Variants in SIK3 observed in about 807,000 individuals in gnomAD.
SIK3 encodes the protein serine/threonine-protein kinase SIK3.
A neutral mutation model predicts 144.2 loss-of-function variants in SIK3; 28 were observed. That is an observed-to-expected ratio of 0.19 (90% CI 0.14 to 0.27). The LOEUF is 0.27. SIK3 is among the 10% of genes least tolerant of loss of function. The probability of loss-of-function intolerance (pLI) is 1.00; values close to 1 mark genes in which losing one functional copy is unlikely to be tolerated. For missense variants in SIK3, 1,319 were observed against 1,776.0 expected (o/e 0.74, Z 4.62); for synonymous variants, 686 against 676.3 (o/e 1.01, Z -0.22).
Position 116,846,283 on chromosome 11 carries a change from T to C in SIK3, c.*13+100A>G, listed in dbSNP as rs372105585. On this transcript the variant is annotated intron_variant, in intron 24 of 24. Coordinates refer to ENST00000445177, the MANE Select transcript of SIK3 (RefSeq NM_001366686.3). The surrounding 1 kb of genome is among the most constrained non-coding windows in gnomAD (Gnocchi z 4.1). The stretch of plus-strand genomic sequence containing the variant: ...CGAGGGGAGGCGTGGTACTGTCGAC[T>C]GCACTGGCCACCACAACACATGGGC... The C allele has an allele frequency of 3.0e-4, 369 of 1,245,096 alleles. 1 individual carries two copies. In the African/African-American group the frequency reaches 4.8e-3, roughly 16 times the overall value. 77.1% of individuals were successfully genotyped at this position (1,245,096 alleles called of 1,614,324 possible).
At chr11:116,895,100 T>A (rs949308427) in intron 6 of SIK3, among the ~76,000 whole-genome samples, 1 of 152,186 alleles carries the variant, frequency 6.6e-6, no homozygotes, top group African/African-American at 2.4e-5. Context: ...GTCTTTACAT[T>A]AACTAGGCCC....
chr11:116,892,456 A>C (rs1945180374), intron 6 of SIK3, among the ~76,000 whole-genome samples: 1 of 152,268 alleles, frequency 6.6e-6, no homozygotes, highest in Admixed American at 6.5e-5. Flanking sequence ...GCAAATAAGC[A>C]TAAGAAAAGA....
At chr11:117,022,210 G>A (rs922552033) in intron 1 of SIK3, among the ~76,000 whole-genome samples, 1 of 151,946 alleles carries the variant, frequency 6.6e-6, no homozygotes, top group African/African-American at 2.4e-5. Flanking sequence ...CTGGAAAGAG[G>A]CACAAGGGAA....
intron 1 of SIK3, among the ~76,000 whole-genome samples, chr11:117,018,315 G>A (rs1483988654): frequency 6.6e-6 from 1 of 152,166 alleles, no homozygotes; most frequent in Non-Finnish European, 1.5e-5. Flanking sequence ...GCATTGGGAT[G>A]AAAACAAATC....
intron 1 of SIK3, among the ~76,000 whole-genome samples, chr11:116,998,970 G>A (rs1208970777): frequency 6.6e-6 from 1 of 152,152 alleles, no homozygotes; most frequent in Non-Finnish European, 1.5e-5. Flanking sequence ...CCCATTTTGA[G>A]TAAGTTAAGA....
intron 1 of SIK3, among the ~76,000 whole-genome samples, chr11:116,998,846 A>G (rs78298998): frequency 0.046 from 6,972 of 152,296 alleles, 537 homozygotes; most frequent in African/African-American, 0.16. Context: ...TGTTTACTAT[A>G]AGTATGAAAT....
chr11:116,878,384 T>A (rs1944371907), intron 6 of SIK3, among the ~76,000 whole-genome samples: 1 of 148,398 alleles, frequency 6.7e-6, no homozygotes, highest in Non-Finnish European at 1.5e-5. Flanking sequence ...TCTCTCCCTT[T>A]TTTTTTTTTT....
intron 1 of SIK3, among the ~76,000 whole-genome samples, chr11:116,990,256 G>A (rs1279301786): frequency 1.3e-5 from 2 of 152,158 alleles, no homozygotes; most frequent in African/African-American, 4.8e-5. Flanking sequence ...CAATTCAAAG[G>A]TGAGAACTTT....
At chr11:117,036,410 A>G (rs1301155915) in intron 1 of SIK3, among the ~76,000 whole-genome samples, 2 of 152,142 alleles carry the variant, frequency 1.3e-5, no homozygotes, top group Non-Finnish European at 2.9e-5. Context: ...TGCTTATAGA[A>G]GAGTCAGAAC....
intron 1 of SIK3, among the ~76,000 whole-genome samples, chr11:117,085,236 C>T (rs1591677292): frequency 6.6e-6 from 1 of 152,050 alleles, no homozygotes; most frequent in Admixed American, 6.6e-5. Context: ...CCCAGCTCAA[C>T]CTCCCAAGTA....
At chr11:117,067,638 T>C (rs1234952967) in intron 1 of SIK3, among the ~76,000 whole-genome samples, 2 of 152,156 alleles carry the variant, frequency 1.3e-5, no homozygotes, top group Non-Finnish European at 2.9e-5. Context: ...ATTGTAAACT[T>C]AAAATGGTTC....
intron 1 of SIK3, chr11:117,036,081 G>C: frequency 1.2e-6 from 1 of 846,216 alleles, no homozygotes; most frequent in Non-Finnish European, 1.8e-6. Flanking sequence ...ATCACCGCCG[G>C]AAAGGTTAAT....
chr11:116,915,122 A>ATATGTGTGTG (rs1265637330), intron 4 of SIK3, among the ~76,000 whole-genome samples: 2 of 100,026 alleles, frequency 2.0e-5, no homozygotes, highest in African/African-American at 9.8e-5. Context: ...AGGAAGCCAT[A>ATATGTGTGTG]TATGTGTGTG....
intron 1 of SIK3, among the ~76,000 whole-genome samples, chr11:117,019,440 C>G (rs1342505936): frequency 6.6e-6 from 1 of 152,106 alleles, no homozygotes; most frequent in Non-Finnish European, 1.5e-5. Context: ...AAATGTGAAG[C>G]CTCAAGAGTA....
intron 21 of SIK3, among the ~76,000 whole-genome samples, chr11:116,856,152 G>A (rs926906150): frequency 3.4e-5 from 5 of 146,112 alleles, no homozygotes; most frequent in African/African-American, 1.0e-4. Context: ...AGCTGAGATC[G>A]CACCACTGCA....
rs1441738931 is a variant in SIK3 at position 116,844,628 on chromosome 11, T to C, written c.*1015A>G. ...ATATATTATATATATAATATATATATAATATATTATATTATATATTATATA... is the reference window on the plus strand; with the variant it reads ...ATATATTATATATATAATATATATACAATATATTATATTATATATTATATA... On this transcript the variant is annotated 3_prime_UTR_variant, in exon 25 of 25. Coordinates refer to ENST00000445177, the MANE Select transcript of SIK3 (RefSeq NM_001366686.3). The C allele has an allele frequency of 6.2e-4, 35 of 56,678 alleles. No individual in the cohort carries two copies. The highest frequency in any genetic ancestry group is 2.4e-3 in the African/African-American group (35 of 14,476). 3.5% of individuals were successfully genotyped at this position (56,678 alleles called of 1,614,324 possible).
At chr11:117,049,058 G>A (rs1953103455) in intron 1 of SIK3, among the ~76,000 whole-genome samples, 2 of 152,154 alleles carry the variant, frequency 1.3e-5, no homozygotes, top group South Asian at 4.1e-4. Context: ...CTGAGATCGT[G>A]CCACTGCACT....
intron 6 of SIK3, among the ~76,000 whole-genome samples, chr11:116,884,944 C>T (rs1449704114): frequency 6.6e-6 from 1 of 152,158 alleles, no homozygotes; most frequent in East Asian, 1.9e-4. Flanking sequence ...TGTTTTGAAA[C>T]ATTTATTTTC....
In SIK3 at chr11:116,846,368, C is replaced by T; in HGVS notation, c.*13+15G>A. Reference sequence around the variant, plus strand: ...GCCACAGGGCTGGTTTGGCTCTGGCCAGGGTGACACTCACTCTCTGTTTCT... The same window carrying T: ...GCCACAGGGCTGGTTTGGCTCTGGCTAGGGTGACACTCACTCTCTGTTTCT... On this transcript the variant is annotated intron_variant, in intron 24 of 24. Coordinates refer to ENST00000445177, the MANE Select transcript of SIK3 (RefSeq NM_001366686.3). This position sits in a 1 kb window ranked among gnomAD's most constrained non-coding sequence, Gnocchi z 4.1. 8 of 1,611,280 alleles carry T rather than the reference C, an allele frequency of 5.0e-6. No individual in the cohort carries two copies. The highest frequency in any genetic ancestry group is 2.2e-5 in the South Asian group (2 of 90,768).
Sources: allele counts gnomAD v4.1 joint callset (sites outside exome capture counted in the v4.1 genomes callset), GRCh38; gene constraint gnomAD v4.1.1; non-coding constraint Gnocchi (gnomAD v3.1); transcripts MANE v1.5; gene names NCBI Gene and HGNC (gene_info 2026-07-23, HGNC 2026-07-21).